Variants in ARFGEF1 observed in about 807,000 individuals in gnomAD.
ARFGEF1 encodes brefeldin A-inhibited guanine nucleotide-exchange protein 1.
A neutral mutation model predicts 231.0 loss-of-function variants in ARFGEF1; 42 were observed. The ratio of observed to expected loss-of-function variants is 0.18; its 90% CI spans 0.14 to 0.24. The LOEUF (loss-of-function observed/expected upper bound fraction) is 0.24. Among genes scored for constraint, ARFGEF1 ranks in the 10% least tolerant of loss-of-function variants. The pLI, the probability that ARFGEF1 is intolerant of heterozygous loss-of-function variation, is 1.00. For missense variants in ARFGEF1, 1,345 were observed against 2,192.0 expected (o/e 0.61, Z 7.72); for synonymous variants, 710 against 732.3 (o/e 0.97, Z 0.49).
Position 67,253,542 on chromosome 8 carries a change from A to G in ARFGEF1, c.2607T>C (p.Tyr869=). ...CTATTTCATTATAGATGGCTGATAG[A>G]TACTCTTCAGGAAGGTCTTTACTGT... ...INDSKDLPEE[Y]LSAIYNEIAG... The change falls in exon 18 of 39, where the codon TAT becomes TAC. Residue 869 remains tyrosine, a synonymous_variant. Coordinates refer to ENST00000262215, the MANE Select transcript of ARFGEF1 (RefSeq NM_006421.5). The G allele has an allele frequency of 6.3e-7, 1 of 1,584,970 alleles. No homozygotes were observed. The highest frequency in any genetic ancestry group is 8.7e-7 in the Non-Finnish European group (1 of 1,154,518).
chr8:67,304,796 G>A (rs913982442), intron 1 of ARFGEF1, among the ~76,000 whole-genome samples: 4 of 152,246 alleles, frequency 2.6e-5, no homozygotes, highest in Admixed American at 1.3e-4. Context: ...TCCAGCCTGG[G>A]TGACAGAATG....
intron 1 of ARFGEF1, among the ~76,000 whole-genome samples, chr8:67,338,169 C>T (rs1010571021): frequency 6.6e-6 from 1 of 152,138 alleles, no homozygotes; most frequent in African/African-American, 2.4e-5. Context: ...CCTCTGATCT[C>T]GATATTTCTA....
intron 7 of ARFGEF1, among the ~76,000 whole-genome samples, chr8:67,279,641 T>C (rs1379076000): frequency 6.6e-6 from 1 of 152,216 alleles, no homozygotes; most frequent in Non-Finnish European, 1.5e-5. Context: ...CTGAAAACAT[T>C]TCCTGATTTT....
At chr8:67,270,128 A>G (rs923989257) in intron 10 of ARFGEF1, among the ~76,000 whole-genome samples, 1 of 152,176 alleles carries the variant, frequency 6.6e-6, no homozygotes, top group Admixed American at 6.5e-5. Flanking sequence ...TTTTATTTAT[A>G]GTTCCTACAG....
At chr8:67,317,405 T>TA (rs1049207432) in intron 1 of ARFGEF1, among the ~76,000 whole-genome samples, 3 of 152,054 alleles carry the variant, frequency 2.0e-5, no homozygotes, top group African/African-American at 7.2e-5. Context: ...ACCTGTGAAA[T>TA]ACGACTCAAC....
intron 34 of ARFGEF1, chr8:67,207,082 AAAAC>A (rs1430677605): frequency 1.3e-5 from 2 of 152,206 alleles, no homozygotes; most frequent in African/African-American, 4.8e-5. Flanking sequence ...TTAAAAAAAC[AAAAC>A]AAAGAAACCT....
At chr8:67,317,449 A>T (rs1013505766) in intron 1 of ARFGEF1, among the ~76,000 whole-genome samples, 6 of 152,168 alleles carry the variant, frequency 3.9e-5, no homozygotes, top group Admixed American at 2.6e-4. Context: ...TTAGCATCAG[A>T]ACTGCACTGA....
chr8:67,246,058 A>ATG (rs746909665), intron 19 of ARFGEF1, among the ~76,000 whole-genome samples: 6 of 149,916 alleles, frequency 4.0e-5, no homozygotes, highest in African/African-American at 1.0e-4. Flanking sequence ...TTGTGTGTGG[A>ATG]TGTGTGTGTG....
chr8:67,265,719 G>A (rs1189415470), intron 14 of ARFGEF1, among the ~76,000 whole-genome samples: 1 of 151,976 alleles, frequency 6.6e-6, no homozygotes, highest in Admixed American at 6.6e-5. Context: ...ATATAATGGG[G>A]GGATGTCATG....
intron 5 of ARFGEF1, among the ~76,000 whole-genome samples, chr8:67,184,746 T>TAAG (rs1241928598): frequency 7.0e-6 from 1 of 142,896 alleles, no homozygotes; most frequent in African/African-American, 2.6e-5. Flanking sequence ...TAAAAAAATA[T>TAAG]AATAATAATA....
rs1265971186 is a variant in ARFGEF1, at chr8:67,179,934, T to C, written c.561-4362A>G. 2 of 1,439,258 alleles carry C rather than the reference T, an allele frequency of 1.4e-6. No individual in the cohort carries two copies. The highest frequency in any genetic ancestry group is 2.3e-5 in the South Asian group (2 of 86,938). 89.2% of individuals were successfully genotyped at this position (1,439,258 alleles called of 1,614,324 possible). On this transcript the variant is annotated intron_variant, in intron 5 of 5. Transcript: ENST00000518789. ...CTGATAGTGCTTTTATTGGTGAGTA[T>C]ATTTATTTTATTAAGGCTATATTGT...
At chr8:67,281,652 G>C (rs750630455) in intron 7 of ARFGEF1, among the ~76,000 whole-genome samples, 2 of 151,800 alleles carry the variant, frequency 1.3e-5, no homozygotes, top group Non-Finnish European at 2.9e-5. Flanking sequence ...TAAAGGAAGA[G>C]ACAAAGATAA....
At chr8:67,295,146 A>G (rs1056486079) in intron 5 of ARFGEF1, among the ~76,000 whole-genome samples, 2 of 152,198 alleles carry the variant, frequency 1.3e-5, no homozygotes, top group Non-Finnish European at 1.5e-5. Flanking sequence ...GAGAAATTCA[A>G]TTAATAAATA....
intron 10 of ARFGEF1, among the ~76,000 whole-genome samples, chr8:67,271,025 CAAAAAAAAAAAAAAAAAAG>C (rs1805065885): frequency 1.1e-4 from 4 of 36,094 alleles, no homozygotes; most frequent in South Asian, 1.2e-3. Context: ...ACTCCATCTC[CAAAAAAAAAAAAAAAAAAG>C]GAAAAAGAAA....
intron 18 of ARFGEF1, 136 bp from the exon 19 acceptor site, chr8:67,251,586 T>G: frequency 1.2e-6 from 1 of 828,308 alleles, no homozygotes; most frequent in Non-Finnish European, 1.7e-6. Flanking sequence ...GATCCCATAT[T>G]ATATGATTAC....
chr8:67,335,166 C>T (rs1404768753), intron 1 of ARFGEF1, among the ~76,000 whole-genome samples: 3 of 140,164 alleles, frequency 2.1e-5, no homozygotes, highest in African/African-American at 8.2e-5. Flanking sequence ...AGTGCAGTGG[C>T]GCAATCTCGG....
chr8:67,224,848 A>C, intron 29 of ARFGEF1, 55 bp downstream of exon 29: 1 of 1,295,354 alleles, frequency 7.7e-7, no homozygotes, highest in Non-Finnish European at 1.0e-6. Context: ...AGAAGAGTTA[A>C]TTTGATTAAA....
chr8:67,195,643 T>C, downstream of ARFGEF1: 3 of 1,507,864 alleles, frequency 2.0e-6, no homozygotes, highest in Non-Finnish European at 2.8e-6. Context: ...AAAGGAATGG[T>C]AAATCTGTAC....
chr8:67,175,524 A>G lies in ARFGEF1; in HGVS notation c.*31T>C, dbSNP rs1246539054. On this transcript the variant is annotated 3_prime_UTR_variant, in exon 6 of 6. Coordinates refer to the ARFGEF1 transcript ENST00000518789. ...CATCTCTTCTATTGATTTCATTCCC[A>G]GGCATCCTCCTTTCACTGGCAGCCC... The G allele has an allele frequency of 4.7e-6, 7 of 1,491,582 alleles. No individual in the cohort carries two copies. The Admixed American group carries it at 1.2e-4, about 26-fold the overall frequency. The allele number at this position is 1,491,582 out of a possible 1,614,324, so 92.4% of individuals were successfully genotyped here.
Sources: gnomAD v4.1 joint callset for allele counts (sites outside exome capture counted in the v4.1 genomes callset) on GRCh38, gnomAD v4.1.1 for gene constraint, MANE v1.5 for transcripts, NCBI Gene and HGNC (gene_info 2026-07-23, HGNC 2026-07-21) for gene names.